Variants in FER observed in about 807,000 individuals in gnomAD.
FER encodes the protein tyrosine-protein kinase Fer.
Under a neutral mutation model 111.0 loss-of-function variants are expected in FER, and 63 were observed. That is an observed-to-expected ratio of 0.57 (90% confidence interval 0.46 to 0.70). The LOEUF (loss-of-function observed/expected upper bound fraction) is 0.70, where lower values mean the gene tolerates loss of function less well. Ranked by LOEUF, FER falls within the 30% of genes least tolerant of loss-of-function variation. The probability of loss-of-function intolerance (pLI) is 0.00; values close to 1 mark genes in which losing one functional copy is unlikely to be tolerated. For synonymous variants in FER, 327 were observed against 313.9 expected (o/e 1.04, Z -0.44); for missense variants, 914 against 954.0 (o/e 0.96, Z 0.55).
intron 16 of FER, 59 bp from the exon 17 acceptor site, chr5:109,100,337 A>T: frequency 6.3e-7 from 1 of 1,589,254 alleles, no homozygotes; most frequent in Non-Finnish European, 8.6e-7. Context: ...ATCCAAATAG[A>T]TGATAAATGT....
intron 3 of FER, 139 bp from the exon 4 acceptor site, chr5:108,832,631 A>G: frequency 1.9e-6 from 1 of 520,528 alleles, no homozygotes; most frequent in Non-Finnish European, 3.0e-6. Context: ...TAGATCTTTG[A>G]ACAGTTGCCA....
intron 17 of FER, among the ~76,000 whole-genome samples, chr5:109,121,701 T>C (rs1751002084): frequency 6.6e-6 from 1 of 152,092 alleles, no homozygotes; most frequent in Non-Finnish European, 1.5e-5. Context: ...TTTGGTAAAA[T>C]TCAGCAGTGA....
chr5:108,835,281 A>T (rs1337005198), intron 4 of FER, among the ~76,000 whole-genome samples: 1 of 136,926 alleles, frequency 7.3e-6, no homozygotes, highest in African/African-American at 2.8e-5. Context: ...TCCCAGGTTC[A>T]AGCGATTCTT....
In FER at chr5:108,847,214, G is replaced by T. The variant is rs569678329; in HGVS notation, c.481+11407G>T. ...ATATTATGTTTTCATTTTTATTCCG[G>T]TCAAAATGCTTTCTAATTTCCTTTT... On this transcript the variant is annotated intron_variant, in intron 5 of 19. Coordinates refer to ENST00000281092, the MANE Select transcript of FER (RefSeq NM_005246.4). Among the ~76,000 whole-genome samples, 3 of 150,900 alleles carry T rather than the reference G, an allele frequency of 2.0e-5. No homozygotes were observed. In the South Asian group the frequency reaches 6.3e-4, roughly 32 times the overall value.
rs143231417 is a variant in FER at position 108,995,630 on chromosome 5, G to T, written c.1656+36283G>T. On this transcript the variant is annotated intron_variant, in intron 13 of 19. Coordinates refer to ENST00000281092, the MANE Select transcript of FER (RefSeq NM_005246.4). ...TTATGGCTACTTAGTATTCCATGGT[G>T]TATATGTGCCATGTTTTCTTTATCC... 7.7e-3 allele frequency among the ~76,000 whole-genome samples: 1,173 copies of T among 152,264 alleles called. 16 individuals are homozygous for T. Among genetic ancestry groups the T allele is most frequent in the African/African-American group, 0.027 (1,108 of 41,544 alleles).
chr5:109,151,233 A>G (rs1182845351), intron 17 of FER, among the ~76,000 whole-genome samples: 3 of 152,220 alleles, frequency 2.0e-5, no homozygotes, highest in Admixed American at 2.0e-4. Context: ...TCTACACATT[A>G]CTTTGAGACA....
chr5:109,001,653 G>A (rs1764791366), intron 13 of FER, among the ~76,000 whole-genome samples: 1 of 152,168 alleles, frequency 6.6e-6, no homozygotes, highest in Non-Finnish European at 1.5e-5. Context: ...GCAGGAGAAG[G>A]AAATAAAGGG....
At chr5:108,840,059 T>A (rs917247045) in intron 5 of FER, among the ~76,000 whole-genome samples, 1 of 152,194 alleles carries the variant, frequency 6.6e-6, no homozygotes, top group East Asian at 1.9e-4. Context: ...ACAGTGAATA[T>A]GCATACTGGA....
At chr5:109,123,157 G>GTTTTTTTTTT (rs747514879) in intron 17 of FER, among the ~76,000 whole-genome samples, 2 of 124,230 alleles carry the variant, frequency 1.6e-5, no homozygotes, top group African/African-American at 3.1e-5. Context: ...TTCCTGTCTT[G>GTTTTTTTTTT]TTTTTTTTTT....
At chr5:108,754,707 A>G (rs1351900808) in intron 1 of FER, among the ~76,000 whole-genome samples, 4 of 152,234 alleles carry the variant, frequency 2.6e-5, no homozygotes, top group Non-Finnish European at 4.4e-5. Context: ...GTTGTACAAA[A>G]ATTGAAATTA....
At chr5:108,960,494 C>G (rs1175412081) in intron 13 of FER, among the ~76,000 whole-genome samples, 4 of 151,738 alleles carry the variant, frequency 2.6e-5, no homozygotes, top group Non-Finnish European at 5.9e-5. Flanking sequence ...TTACCAAAAC[C>G]ATAAAAAATT....
intron 17 of FER, among the ~76,000 whole-genome samples, chr5:109,154,174 A>G (rs1003824092): frequency 2.6e-5 from 4 of 152,052 alleles, no homozygotes; most frequent in African/African-American, 9.6e-5. Flanking sequence ...CAAGTGTAAC[A>G]GATGTTTTGA....
chr5:109,059,005 G>T (rs1343365965), intron 16 of FER, among the ~76,000 whole-genome samples: 1 of 151,744 alleles, frequency 6.6e-6, no homozygotes, highest in Non-Finnish European at 1.5e-5. Flanking sequence ...CTCCCTAAGT[G>T]GTGGGATTAC....
At chr5:109,180,695 G>C in intron 17 of FER, 52 bp from the exon 18 acceptor site, 1 of 1,543,046 alleles carries the variant, frequency 6.5e-7, no homozygotes, top group Non-Finnish European at 8.7e-7. Context: ...AAATGTGAAA[G>C]TGGCTTTCAA....
chr5:108,859,571 G>A (rs1763313563), intron 5 of FER, among the ~76,000 whole-genome samples: 1 of 152,118 alleles, frequency 6.6e-6, no homozygotes, highest in South Asian at 2.1e-4. Context: ...ATATGTGGGA[G>A]ATTCAGAATT....
intron 10 of FER, among the ~76,000 whole-genome samples, chr5:108,944,271 G>A (rs1252867177): frequency 6.6e-6 from 1 of 151,964 alleles, no homozygotes; most frequent in African/African-American, 2.4e-5. Flanking sequence ...CACTTTTTCT[G>A]AGCATCTCAT....
chr5:108,871,762 A>T (rs1172947769), intron 7 of FER, among the ~76,000 whole-genome samples: 5 of 150,088 alleles, frequency 3.3e-5, no homozygotes, highest in East Asian at 3.9e-4. Context: ...AATCCATGAA[A>T]TTTTTTTTTT....
chr5:108,861,141 A>G (rs1763478449), intron 5 of FER, among the ~76,000 whole-genome samples: 1 of 152,196 alleles, frequency 6.6e-6, no homozygotes, highest in African/African-American at 2.4e-5. Flanking sequence ...AGGTGGTGGA[A>G]TGTTTAGTTA....
Position 108,907,747 on chromosome 5 carries a change from CT to C in FER, c.1236+9900del, listed in dbSNP as rs367629109. On this transcript the variant is annotated intron_variant, in intron 10 of 19. Transcript: ENST00000281092. Reference sequence around the variant, plus strand: ...AAAACATCAGATAGAACTAAGTACTCTGATGAAATTAATCATTAATATTCCT... The same window carrying C: ...AAAACATCAGATAGAACTAAGTACTCGATGAAATTAATCATTAATATTCCT... Among the ~76,000 whole-genome samples the C allele has an allele frequency of 1.2e-3, 181 of 152,284 alleles. 1 individual carries two copies. Among genetic ancestry groups the C allele is most frequent in the African/African-American group, 4.0e-3 (168 of 41,566 alleles).
Sources: allele counts gnomAD v4.1 joint callset (sites outside exome capture counted in the v4.1 genomes callset), GRCh38; gene constraint gnomAD v4.1.1; transcripts MANE v1.5; gene names NCBI Gene and HGNC (gene_info 2026-07-23, HGNC 2026-07-21).